EGFR: variants seen among roughly 807,000 people sequenced by gnomAD.
The protein encoded by EGFR is avian erythroblastic leukemia viral (v-erb-b) oncogene homolog.
Under a neutral mutation model 143.0 loss-of-function variants are expected in EGFR, and 58 were observed. The observed-to-expected ratio is 0.41, with a 90% CI of 0.33 to 0.50. The LOEUF (loss-of-function observed/expected upper bound fraction) is 0.50. EGFR is among the 20% of genes least tolerant of loss of function. The probability of loss-of-function intolerance (pLI) is 0.39; values close to 1 mark genes in which losing one functional copy is unlikely to be tolerated. For missense variants in EGFR, 1,307 were observed against 1,579.0 expected (o/e 0.83, Z 2.92); for synonymous variants, 613 against 594.4 (o/e 1.03, Z -0.45).
chr7:55,201,994 C>T (rs887533894), intron 26 of EGFR, among the ~76,000 whole-genome samples: 5 of 151,874 alleles, frequency 3.3e-5, no homozygotes, highest in Admixed American at 6.6e-5. Flanking sequence ...TTGTTAGAAA[C>T]GCCATTTTTC....
chr7:55,036,797 C>T (rs1300959476), intron 1 of EGFR, among the ~76,000 whole-genome samples: 3 of 152,102 alleles, frequency 2.0e-5, no homozygotes, highest in Admixed American at 6.6e-5. Flanking sequence ...TAACATACCT[C>T]TGCTCCATTA....
At chr7:55,163,241 G>T (rs748580886) in intron 13 of EGFR, among the ~76,000 whole-genome samples, 2 of 152,174 alleles carry the variant, frequency 1.3e-5, no homozygotes, top group African/African-American at 4.8e-5. Context: ...GCTTAACATT[G>T]ATGTGTACAT....
intron 22 of EGFR, among the ~76,000 whole-genome samples, chr7:55,198,419 T>C (rs1787711320): frequency 6.6e-6 from 1 of 152,172 alleles, no homozygotes; most frequent in African/African-American, 2.4e-5. Flanking sequence ...TCTTTATTGT[T>C]AATTACCAAA....
At chr7:55,115,042 G>A (rs187373810) in intron 1 of EGFR, among the ~76,000 whole-genome samples, 10 of 151,736 alleles carry the variant, frequency 6.6e-5, no homozygotes, top group African/African-American at 1.4e-4. Context: ...CCACCGCGCC[G>A]GGCTAATTTT....
chr7:55,197,098 G>T (rs1484692437), intron 22 of EGFR, among the ~76,000 whole-genome samples: 1 of 152,118 alleles, frequency 6.6e-6, no homozygotes, highest in Admixed American at 6.5e-5. Flanking sequence ...AATACTTTGG[G>T]CAGTATAGTC....
intron 19 of EGFR, among the ~76,000 whole-genome samples, chr7:55,176,832 A>ATATAAATATATAT (rs1786611375): frequency 1.5e-5 from 1 of 66,612 alleles, no homozygotes; most frequent in Admixed American, 1.6e-4. Context: ...ATATTTAGAG[A>ATATAAATATATAT]GATATATATT....
chr7:55,205,553 C>A lies in EGFR; in HGVS notation c.3569C>A (p.Ser1190Tyr), dbSNP rs2128975584. The A allele has an allele frequency of 6.2e-7, 1 of 1,614,180 alleles. No homozygotes were observed. ...AAGCCAAATGGCATCTTTAAGGGCTCCACAGCTGAAAATGCAGAATACCTA... is the reference window on the plus strand; with the variant it reads ...AAGCCAAATGGCATCTTTAAGGGCTACACAGCTGAAAATGCAGAATACCTA... ...EAKPNGIFKG[S>Y]TAENAEYLRV... is the part of the protein sequence containing the mutation. Residue 1190 changes from serine to tyrosine, a missense_variant, in exon 28 of 28, where the codon TCC (serine) becomes TAC (tyrosine). Ser to Tyr is a moderately radical substitution (Grantham distance 144). Around this residue, in one of 7 missense-constraint regions of EGFR, gnomAD observed 313 missense variants for 312.3 expected, o/e 1.00. Transcript: ENST00000275493.
chr7:55,183,424 G>A (rs1289190686), intron 20 of EGFR, among the ~76,000 whole-genome samples: 6 of 152,186 alleles, frequency 3.9e-5, no homozygotes, highest in Admixed American at 1.3e-4. Flanking sequence ...AATCCAGGAT[G>A]ATTTCATTTC....
At chr7:55,119,693 C>T (rs1211017326) in intron 1 of EGFR, among the ~76,000 whole-genome samples, 4 of 152,224 alleles carry the variant, frequency 2.6e-5, no homozygotes, top group East Asian at 3.9e-4. Context: ...TTTGACAATA[C>T]GGTCCTATGC....
At chr7:55,123,287 G>A (rs1454512839) in intron 1 of EGFR, among the ~76,000 whole-genome samples, 1 of 152,184 alleles carries the variant, frequency 6.6e-6, no homozygotes, top group East Asian at 1.9e-4. Context: ...TGCGGTCAAA[G>A]CCAGGTGATT....
chr7:55,172,804 G>A (rs1283607894), intron 16 of EGFR, 179 bp from the exon 17 acceptor site: 2 of 1,534,840 alleles, frequency 1.3e-6, no homozygotes, highest in Non-Finnish European at 8.7e-7. Context: ...GCTTGAGAAA[G>A]TTGGAAACGT....
At chr7:55,023,376 A>G (rs1357167600) in intron 1 of EGFR, among the ~76,000 whole-genome samples, 2 of 152,188 alleles carry the variant, frequency 1.3e-5, no homozygotes, top group African/African-American at 2.4e-5. Flanking sequence ...TGGGCCGGGC[A>G]TGGTGGCTCA....
chr7:55,086,520 T>C (rs17336066), intron 1 of EGFR, among the ~76,000 whole-genome samples: 54 of 152,342 alleles, frequency 3.5e-4, no homozygotes, highest in African/African-American at 1.2e-3. Context: ...GCAGGGTGAC[T>C]TTTTTTCTTC....
At chr7:55,196,812 T>A (rs1056213503) in intron 22 of EGFR, among the ~76,000 whole-genome samples, 5 of 151,748 alleles carry the variant, frequency 3.3e-5, no homozygotes, top group Non-Finnish European at 1.5e-5. Flanking sequence ...TTGTCAACGA[T>A]CACATGGTTG....
At chr7:55,110,512 G>A (rs1463616389) in intron 1 of EGFR, among the ~76,000 whole-genome samples, 3 of 152,312 alleles carry the variant, frequency 2.0e-5, no homozygotes, top group South Asian at 2.1e-4. Flanking sequence ...CACTGACCCC[G>A]ATGATTTATA....
Position 55,170,739 on chromosome 7 carries a change from A to C in EGFR, c.1881-436A>C, listed in dbSNP as rs998654492. The stretch of plus-strand genomic sequence containing the variant: ...CTCCTCGCTGCCAGATGATTGTTCA[A>C]AGCACAGAATTTGTCAGAAACCTGC... On this transcript the variant is annotated intron_variant, in intron 15 of 27. Transcript: ENST00000275493. 4.1e-6 allele frequency: 6 copies of C among 1,477,342 alleles called. No individual in the cohort carries two copies. The South Asian group carries it at 8.3e-5, about 20-fold the overall frequency. The allele number at this position is 1,477,342 out of a possible 1,614,324, so 91.5% of individuals were successfully genotyped here.
At chr7:55,033,611 G>A (rs1269008769) in intron 1 of EGFR, among the ~76,000 whole-genome samples, 1 of 152,174 alleles carries the variant, frequency 6.6e-6, no homozygotes, top group Non-Finnish European at 1.5e-5. Flanking sequence ...TAGGGGAGGC[G>A]GGCCTGGGCT....
At chr7:55,170,969 C>T in intron 15 of EGFR, 2 of 1,447,328 alleles carry the variant, frequency 1.4e-6, no homozygotes, top group Non-Finnish European at 1.8e-6. Flanking sequence ...AGAGTAGAAA[C>T]TCAAAAATAT....
At chr7:55,072,530 T>G (rs1000465897) in intron 1 of EGFR, among the ~76,000 whole-genome samples, 1 of 152,260 alleles carries the variant, frequency 6.6e-6, no homozygotes, top group Non-Finnish European at 1.5e-5. Context: ...ATCATTGCTC[T>G]CATGAGTGGT....
Sources: gnomAD v4.1 joint callset for allele counts (sites outside exome capture counted in the v4.1 genomes callset) on GRCh38, gnomAD v4.1.1 for gene constraint, gnomAD v4.1.1 regional missense constraint, MANE v1.5 for transcripts, NCBI Gene and HGNC (gene_info 2026-07-23, HGNC 2026-07-21) for gene names.